CDKAL1: variants seen among roughly 807,000 people sequenced by gnomAD.
CDKAL1 encodes CDKAL1 threonylcarbamoyladenosine tRNA methylthiotransferase.
Under a neutral mutation model 68.2 loss-of-function variants are expected in CDKAL1, and 32 were observed. That is an observed-to-expected ratio of 0.47 (90% CI 0.35 to 0.63). The LOEUF is 0.63. Ranked by LOEUF, CDKAL1 falls within the 30% of genes least tolerant of loss-of-function variation. The probability of loss-of-function intolerance (pLI) is 0.00; values close to 1 mark genes in which losing one functional copy is unlikely to be tolerated. For missense variants in CDKAL1, 606 were observed against 696.7 expected (o/e 0.87, Z 1.47); for synonymous variants, 234 against 244.3 (o/e 0.96, Z 0.39).
chr6:21,127,164 G>C (rs1775055676), intron 13 of CDKAL1, among the ~76,000 whole-genome samples: 1 of 152,296 alleles, frequency 6.6e-6, no homozygotes, highest in African/African-American at 2.4e-5. Context: ...CCCAGGAACT[G>C]AGGGTGCAAC....
In CDKAL1 at chr6:20,706,295, G is replaced by A. The variant is rs374470219; in HGVS notation, c.372-33224G>A. Among the ~76,000 whole-genome samples, 21 of 152,330 alleles carry A rather than the reference G, an allele frequency of 1.4e-4. No homozygotes were observed. The East Asian group carries it at 3.3e-3, about 24-fold the overall frequency. On this transcript the variant is annotated intron_variant, in intron 5 of 15. Coordinates refer to ENST00000274695, the MANE Select transcript of CDKAL1 (RefSeq NM_017774.3). ...GGGGCTGGATTTTGGCTGTAGGGTT[G>A]TGTGAAATAGGGTGAAATAGAAGAA...
intron 9 of CDKAL1, among the ~76,000 whole-genome samples, chr6:20,937,147 A>ATACT (rs1431475916): frequency 6.6e-6 from 1 of 152,008 alleles, no homozygotes; most frequent in African/African-American, 2.4e-5. Context: ...GGAGTGTAGT[A>ATACT]GCACAGTCAC....
rs984193016 is a variant in CDKAL1, at chr6:21,009,784, G to A, written c.1055+9412G>A. Among the ~76,000 whole-genome samples the A allele has an allele frequency of 3.9e-5, 6 of 152,278 alleles. No homozygotes were observed. In the South Asian group the frequency reaches 1.2e-3, roughly 32 times the overall value. ...CGCGTGTTCTCACTCATATGCAGGA[G>A]CTAAAAAATTGATCTCATGGAGATG... On this transcript the variant is annotated intron_variant, in intron 11 of 15. Coordinates refer to ENST00000274695, the MANE Select transcript of CDKAL1 (RefSeq NM_017774.3).
chr6:20,704,529 G>A (rs533997139), intron 5 of CDKAL1, among the ~76,000 whole-genome samples: 7 of 152,298 alleles, frequency 4.6e-5, no homozygotes, highest in African/African-American at 1.7e-4. Context: ...GGAGAGGCAA[G>A]TGTGGCTGGA....
intron 8 of CDKAL1, among the ~76,000 whole-genome samples, chr6:20,834,833 G>T (rs575944364): frequency 6.6e-6 from 1 of 152,112 alleles, no homozygotes; most frequent in African/African-American, 2.4e-5. Flanking sequence ...TTATGGATGA[G>T]GACAGGAAGC....
chr6:20,732,265 T>TTCTTTC (rs201599373), intron 5 of CDKAL1, among the ~76,000 whole-genome samples: 9 of 61,070 alleles, frequency 1.5e-4, no homozygotes, highest in South Asian at 5.6e-4. Flanking sequence ...CTTTCTTTCT[T>TTCTTTC]TTTTTTTTTT....
At chr6:20,770,827 A>G (rs1401111573) in intron 7 of CDKAL1, among the ~76,000 whole-genome samples, 1 of 152,224 alleles carries the variant, frequency 6.6e-6, no homozygotes, top group East Asian at 1.9e-4. Flanking sequence ...AATCTAGGAA[A>G]AGGTACTGTG....
intron 12 of CDKAL1, among the ~76,000 whole-genome samples, chr6:21,081,465 A>C (rs1772395164): frequency 6.6e-6 from 1 of 152,178 alleles, no homozygotes; most frequent in South Asian, 2.1e-4. Context: ...ATTTATTAAA[A>C]TTGTAATATT....
intron 4 of CDKAL1, among the ~76,000 whole-genome samples, chr6:20,626,509 TTTG>T (rs1336997072): frequency 6.6e-6 from 1 of 152,206 alleles, no homozygotes; most frequent in African/African-American, 2.4e-5. Flanking sequence ...ATGTTAGTTA[TTTG>T]TTGTTAGTAT....
rs754008816 is a variant in CDKAL1 at position 20,799,040 on chromosome 6, GTTTT to G, written c.638+17801_638+17804del. ...GGCCCATATATTTGAAAAGAACTGA[GTTTT>G]TTTTTTTTTTTTTTTTTTTTTTTTT... is the stretch of plus-strand genomic sequence containing the variant. On this transcript the variant is annotated intron_variant, in intron 8 of 15. Coordinates refer to ENST00000274695, the MANE Select transcript of CDKAL1 (RefSeq NM_017774.3). 7.0e-3 allele frequency among the ~76,000 whole-genome samples: 330 copies of G among 47,448 alleles called. 1 individual carries two copies. Among genetic ancestry groups the G allele is most frequent in the South Asian group, 0.026 (24 of 916 alleles). 31.1% of individuals were successfully genotyped at this position (47,448 alleles called of 152,430 possible).
At chr6:20,551,006 C>A (rs775654034) in intron 4 of CDKAL1, among the ~76,000 whole-genome samples, 1 of 151,600 alleles carries the variant, frequency 6.6e-6, no homozygotes, top group Non-Finnish European at 1.5e-5. Context: ...GCTGGGACTT[C>A]AGGTGCCCGC....
In CDKAL1 at chr6:20,846,143, A is replaced by C. The variant is rs1252034408; in HGVS notation, c.707A>C (p.Asp236Ala). 16 of 1,612,568 alleles carry C rather than the reference A, an allele frequency of 9.9e-6. No homozygotes were observed. The highest frequency in any genetic ancestry group is 1.4e-5 in the Non-Finnish European group (16 of 1,178,788). ...ARGNLASYPIDELVDRAKQSF... is the reference protein window; with the variant it reads ...ARGNLASYPIAELVDRAKQSF... ...GGAAATTTGGCCAGTTATCCAATTG[A>C]TGAACTAGTAGATAGAGCCAAACAA... Residue 236 changes from aspartate to alanine, a missense_variant, in exon 9 of 16, where the codon GAT becomes GCT. By Grantham distance (126) the Asp-to-Ala change is moderately radical. Transcript: ENST00000274695.
At position 20,781,222 on chromosome 6, in the gene CDKAL1, A is replaced by G. The variant is rs769016538; in HGVS notation, c.595A>G (p.Ile199Val). Residue 199 changes from isoleucine to valine, a missense_variant, in exon 8 of 16, where the codon ATT becomes GTT. Physicochemically the swap from Ile to Val is conservative, Grantham distance 29 (BLOSUM62 3). Transcript: ENST00000274695. ...LGGARLDLPKIRKNPLIEIIS... is the reference protein window; with the variant it reads ...LGGARLDLPKVRKNPLIEIIS... ...GGGAGCACGATTGGATTTGCCGAAG[A>G]TTAGGAAGAATCCACTGATAGAAAT... The G allele has an allele frequency of 1.9e-6, 3 of 1,613,638 alleles. No homozygotes were observed. Among genetic ancestry groups the G allele is most frequent in the Admixed American group, 3.3e-5 (2 of 59,932 alleles).
At chr6:21,186,949 G>C (rs1461729833) in intron 13 of CDKAL1, among the ~76,000 whole-genome samples, 1 of 152,000 alleles carries the variant, frequency 6.6e-6, no homozygotes, top group African/African-American at 2.4e-5. Flanking sequence ...AAAGAAACAG[G>C]TGAAATTTGT....
At chr6:20,919,826 C>T (rs932335835) in intron 9 of CDKAL1, among the ~76,000 whole-genome samples, 1 of 152,168 alleles carries the variant, frequency 6.6e-6, no homozygotes, top group African/African-American at 2.4e-5. Flanking sequence ...AACTAATCTG[C>T]TTTGCACCTA....
intron 5 of CDKAL1, among the ~76,000 whole-genome samples, chr6:20,671,536 A>G (rs1285326258): frequency 6.6e-6 from 1 of 152,204 alleles, no homozygotes; most frequent in East Asian, 1.9e-4. Context: ...TTGTGTAAAA[A>G]GAGGCTAAAG....
In CDKAL1 at chr6:20,617,106, A is replaced by ATGTCTG. The variant is rs540039780; in HGVS notation, c.287-32184_287-32179dup. Among the ~76,000 whole-genome samples the ATGTCTG allele has an allele frequency of 5.4e-4, 82 of 151,152 alleles. 1 individual carries two copies. In the South Asian group the frequency reaches 0.016, roughly 29 times the overall value. On this transcript the variant is annotated intron_variant, in intron 4 of 15. Transcript: ENST00000274695. ...AAAACCACGGGGGGCTTAATAGTTGATGTCTGTGCTTTTACTGGTACTCAG... is the reference window on the plus strand; with the variant it reads ...AAAACCACGGGGGGCTTAATAGTTGATGTCTGTGTCTGTGCTTTTACTGGTACTCAG...
In CDKAL1 at chr6:20,897,369, G is replaced by C. The variant is rs73372100; in HGVS notation, c.742+51191G>C. Among the ~76,000 whole-genome samples, 1,109 of 152,190 alleles carry C rather than the reference G, an allele frequency of 7.3e-3. 20 individuals carry two copies. The highest frequency in any genetic ancestry group is 0.025 in the African/African-American group (1,041 of 41,506). ...CACGAGTGGAGGTAGAAAGATGCAG[G>C]CTCAGATGAAGAAGTGATTAGTATG... On this transcript the variant is annotated intron_variant, in intron 9 of 15. Coordinates refer to ENST00000274695, the MANE Select transcript of CDKAL1 (RefSeq NM_017774.3).
At position 20,548,696 on chromosome 6, in the gene CDKAL1, A is replaced by G; in HGVS notation, c.277A>G (p.Lys93Glu). ...TGGACAGCTAGCTGCTTATGGCTAT[A>G]AAATTACAGGTAATGAGATCTATAA... Reference protein sequence around the residue: ...MAGQLAAYGYKITENASDADL... With the variant: ...MAGQLAAYGYEITENASDADL... Residue 93 changes from lysine (K) to glutamate (E), a missense_variant, in exon 4 of 16, where the codon AAA becomes GAA. By Grantham distance (56) the Lys-to-Glu change is moderately conservative. Transcript: ENST00000274695. 7.0e-7 allele frequency: 1 copy of G among 1,431,056 alleles called. No individual in the cohort carries two copies. The highest frequency in any genetic ancestry group is 9.8e-7 in the Non-Finnish European group (1 of 1,021,030). The allele number at this position is 1,431,056 out of a possible 1,614,324, so 88.6% of individuals were successfully genotyped here.
Sources: allele counts gnomAD v4.1 joint callset (sites outside exome capture counted in the v4.1 genomes callset), GRCh38; gene constraint gnomAD v4.1.1; transcripts MANE v1.5; gene names NCBI Gene and HGNC (gene_info 2026-07-23, HGNC 2026-07-21).